FSTL5: variants seen among roughly 807,000 people sequenced by gnomAD.
FSTL5 encodes the protein follistatin like 5, also known as follistatin-related protein 5.
In FSTL5, 62 loss-of-function variants were observed where a neutral mutation model predicts 89.1. The observed-to-expected ratio is 0.70, with a 90% CI of 0.57 to 0.86. The LOEUF is 0.86. Ranked by LOEUF, FSTL5 falls within the 40% of genes least tolerant of loss-of-function variation. The pLI is 0.00. For synonymous variants in FSTL5, 383 were observed against 346.2 expected (o/e 1.11, Z -1.18); for missense variants, 1,057 against 1,001.6 (o/e 1.06, Z -0.75).
At chr4:161,508,198 T>C (rs532081129) in intron 11 of FSTL5, among the ~76,000 whole-genome samples, 9 of 152,126 alleles carry the variant, frequency 5.9e-5, no homozygotes, top group Non-Finnish European at 1.2e-4. Flanking sequence ...GTCACCATTA[T>C]TACTATTAGT....
intron 15 of FSTL5, among the ~76,000 whole-genome samples, chr4:161,439,357 C>A (rs1732683939): frequency 6.6e-6 from 1 of 152,148 alleles, no homozygotes; most frequent in Non-Finnish European, 1.5e-5. Flanking sequence ...ACGTAGTGCC[C>A]ACAGCAGAGC....
chr4:161,567,126 C>T (rs1047466372), intron 8 of FSTL5, among the ~76,000 whole-genome samples: 2 of 151,974 alleles, frequency 1.3e-5, no homozygotes, highest in Non-Finnish European at 2.9e-5. Context: ...TTGTTTTGAA[C>T]TTTAGAAATG....
chr4:161,976,947 G>GCACGGCATCTTTTCTGTTTT (rs1735668505), intron 3 of FSTL5, among the ~76,000 whole-genome samples: 1 of 152,168 alleles, frequency 6.6e-6, no homozygotes, highest in African/African-American at 2.4e-5. Context: ...GTTTGGAACT[G>GCACGGCATCTTTTCTGTTTT]CACGGCATCT....
At position 161,991,117 on chromosome 4, in the gene FSTL5, G is replaced by A. The variant is rs541864157; in HGVS notation, c.160+42508C>T. Reference sequence around the variant, plus strand: ...AATATCATCGACATAAAAATGAAAGGACTATTAAGATAGTCAAACTCAAAA... The same window carrying A: ...AATATCATCGACATAAAAATGAAAGAACTATTAAGATAGTCAAACTCAAAA... On this transcript the variant is annotated intron_variant, in intron 3 of 15. Transcript: ENST00000306100. 3.3e-5 allele frequency among the ~76,000 whole-genome samples: 5 copies of A among 152,112 alleles called. No individual in the cohort carries two copies. The South Asian group carries it at 1.0e-3, about 32-fold the overall frequency.
chr4:161,505,806 T>A (rs1397830172), intron 11 of FSTL5, among the ~76,000 whole-genome samples: 1 of 151,796 alleles, frequency 6.6e-6, no homozygotes, highest in East Asian at 1.9e-4. Context: ...AAGATCAAAT[T>A]TTTGATGAAA....
At chr4:161,455,474 T>C (rs1290499509) in intron 14 of FSTL5, among the ~76,000 whole-genome samples, 1 of 152,172 alleles carries the variant, frequency 6.6e-6, no homozygotes, top group African/African-American at 2.4e-5. Flanking sequence ...TAATGTGTGA[T>C]ATTAGGACAA....
chr4:161,977,456 A>G (rs1272455157), intron 3 of FSTL5, among the ~76,000 whole-genome samples: 1 of 151,362 alleles, frequency 6.6e-6, no homozygotes, highest in Admixed American at 6.6e-5. Context: ...ACTAAAAAAT[A>G]GAAAAAATTA....
At chr4:161,881,047 T>TA (rs930903178) in intron 4 of FSTL5, among the ~76,000 whole-genome samples, 78 of 152,002 alleles carry the variant, frequency 5.1e-4, no homozygotes, top group African/African-American at 1.7e-3. Context: ...TATATAAATG[T>TA]AAAAAATCAT....
At chr4:161,564,929 T>C (rs1732745697) in intron 8 of FSTL5, among the ~76,000 whole-genome samples, 1 of 151,920 alleles carries the variant, frequency 6.6e-6, no homozygotes, top group Non-Finnish European at 1.5e-5. Flanking sequence ...AGAACACTGA[T>C]AGTCACAAAT....
intron 6 of FSTL5, among the ~76,000 whole-genome samples, chr4:161,756,185 CAT>C (rs1740560999): frequency 1.3e-5 from 2 of 151,314 alleles, no homozygotes; most frequent in Non-Finnish European, 2.9e-5. Flanking sequence ...TTAGAAAAAA[CAT>C]TATTTCCACT....
intron 3 of FSTL5, among the ~76,000 whole-genome samples, chr4:161,997,659 C>A (rs1465935630): frequency 1.4e-5 from 2 of 138,712 alleles, no homozygotes; most frequent in Admixed American, 7.9e-5. Flanking sequence ...GGCTGGAGTG[C>A]AGTGGCACGA....
At chr4:161,892,627 C>T (rs902428164) in intron 4 of FSTL5, among the ~76,000 whole-genome samples, 22 of 152,008 alleles carry the variant, frequency 1.4e-4, no homozygotes, top group Non-Finnish European at 2.5e-4. Context: ...CCCAAACTAA[C>T]TCAAAGTATT....
intron 8 of FSTL5, among the ~76,000 whole-genome samples, chr4:161,568,719 T>A (rs1039007679): frequency 6.6e-5 from 10 of 152,182 alleles, no homozygotes; most frequent in African/African-American, 2.4e-4. Context: ...ATTTTATGTA[T>A]CAGTAAATGG....
chr4:161,962,120 AAT>A (rs1242059018), intron 3 of FSTL5, among the ~76,000 whole-genome samples: 2 of 152,078 alleles, frequency 1.3e-5, no homozygotes, highest in South Asian at 2.1e-4. Context: ...AGGAATATTA[AAT>A]ATGAGTACAA....
intron 15 of FSTL5, among the ~76,000 whole-genome samples, chr4:161,453,809 G>T (rs940926880): frequency 2.6e-5 from 4 of 152,006 alleles, no homozygotes; most frequent in Non-Finnish European, 4.4e-5. Context: ...GCCCAGGCTG[G>T]TTTCGAACTC....
chr4:162,030,318 AT>A (rs1285169799), intron 3 of FSTL5, among the ~76,000 whole-genome samples: 2 of 152,150 alleles, frequency 1.3e-5, no homozygotes, highest in Non-Finnish European at 2.9e-5. Context: ...ATGAGATGAT[AT>A]ATGTAGAAAA....
chr4:161,782,122 C>G (rs1211229388), intron 4 of FSTL5, among the ~76,000 whole-genome samples: 7 of 152,156 alleles, frequency 4.6e-5, no homozygotes, highest in Non-Finnish European at 1.0e-4. Flanking sequence ...GGATGTACCA[C>G]AGTTTATCCA....
At chr4:162,079,545 T>C (rs1364769759) in intron 2 of FSTL5, among the ~76,000 whole-genome samples, 1 of 151,636 alleles carries the variant, frequency 6.6e-6, no homozygotes, top group Non-Finnish European at 1.5e-5. Context: ...TATATAAGGA[T>C]GGATTTTTAT....
intron 7 of FSTL5, among the ~76,000 whole-genome samples, chr4:161,604,257 A>G (rs1734358636): frequency 6.6e-6 from 1 of 152,102 alleles, no homozygotes; most frequent in Admixed American, 6.6e-5. Flanking sequence ...GCAAAAACCT[A>G]CTCTTAGCAC....
Sources: allele counts gnomAD v4.1 joint callset (sites outside exome capture counted in the v4.1 genomes callset), GRCh38; gene constraint gnomAD v4.1.1; transcripts MANE v1.5; gene names NCBI Gene and HGNC (gene_info 2026-07-23, HGNC 2026-07-21).